The following PTPRD variants were observed in gnomAD, a reference collection of about 807,000 sequenced individuals.
PTPRD encodes the protein protein tyrosine phosphatase receptor type D.
PTPRD carries 34 observed loss-of-function variants against 214.5 expected under a neutral mutation model. The observed-to-expected ratio is 0.16, with a 90% CI of 0.12 to 0.21. The LOEUF is 0.21. Ranked by LOEUF, PTPRD falls within the 10% of genes least tolerant of loss-of-function variation. PTPRD has a pLI of 1.00. For missense variants in PTPRD, 2,545 were observed against 2,398.7 expected (o/e 1.06, Z -1.27); for synonymous variants, 1,128 against 845.7 (o/e 1.33, Z -5.79).
chr9:8,897,234 G>C (rs2098625192), intron 11 of PTPRD, among the ~76,000 whole-genome samples: 1 of 152,156 alleles, frequency 6.6e-6, no homozygotes, highest in African/African-American at 2.4e-5. Context: ...GTAAGTTGTA[G>C]ACACTCATCT....
intron 3 of PTPRD, among the ~76,000 whole-genome samples, chr9:10,170,420 G>T (rs113944966): frequency 9.2e-5 from 14 of 152,260 alleles, no homozygotes; most frequent in African/African-American, 3.1e-4. Context: ...GGCCAGGCGT[G>T]CAGGCTCACA....
At chr9:9,401,940 C>T (rs751354003) in intron 8 of PTPRD, among the ~76,000 whole-genome samples, 5 of 152,028 alleles carry the variant, frequency 3.3e-5, no homozygotes, top group Non-Finnish European at 5.9e-5. Flanking sequence ...CCAAGCAGAA[C>T]TGTGAGTCAA....
intron 10 of PTPRD, among the ~76,000 whole-genome samples, chr9:9,039,011 C>G (rs1423834621): frequency 6.6e-6 from 1 of 152,030 alleles, no homozygotes; most frequent in East Asian, 1.9e-4. Flanking sequence ...GCACCCCTAT[C>G]TCCCACAAAA....
At chr9:10,238,428 A>C (rs999473157) in intron 3 of PTPRD, among the ~76,000 whole-genome samples, 1 of 151,906 alleles carries the variant, frequency 6.6e-6, no homozygotes, top group Non-Finnish European at 1.5e-5. Flanking sequence ...ACATTTCTCC[A>C]TGTTATCAAA....
intron 36 of PTPRD, among the ~76,000 whole-genome samples, chr9:8,403,906 C>A (rs1041223049): frequency 2.0e-5 from 3 of 152,160 alleles, no homozygotes; most frequent in Non-Finnish European, 4.4e-5. Context: ...TGACAATCAC[C>A]TGTTCATTCA....
At chr9:9,150,906 C>G (rs1163496889) in intron 10 of PTPRD, among the ~76,000 whole-genome samples, 1 of 152,210 alleles carries the variant, frequency 6.6e-6, no homozygotes, top group African/African-American at 2.4e-5. Flanking sequence ...TGATGCCCCT[C>G]TGCCACAGAG....
intron 8 of PTPRD, among the ~76,000 whole-genome samples, chr9:9,523,661 C>A (rs765827570): frequency 4.6e-5 from 7 of 152,090 alleles, no homozygotes; most frequent in Non-Finnish European, 1.0e-4. Context: ...GTTTTCAGTT[C>A]GACTCATTTA....
chr9:9,548,219 C>G (rs548559425), intron 8 of PTPRD, among the ~76,000 whole-genome samples: 3 of 150,652 alleles, frequency 2.0e-5, no homozygotes, highest in Admixed American at 1.3e-4. Flanking sequence ...TGGAAATGAT[C>G]AATAATAAAA....
At chr9:9,992,409 A>G (rs2095972009) in intron 4 of PTPRD, among the ~76,000 whole-genome samples, 1 of 152,212 alleles carries the variant, frequency 6.6e-6, no homozygotes, top group African/African-American at 2.4e-5. Context: ...TCAAGGATCT[A>G]GAACTAGAAA....
intron 11 of PTPRD, among the ~76,000 whole-genome samples, chr9:8,826,499 CCA>C (rs2154528373): frequency 6.6e-6 from 1 of 152,222 alleles, no homozygotes; most frequent in African/African-American, 2.4e-5. Flanking sequence ...CTTCCGTTCA[CCA>C]CACAGTTATT....
chr9:9,988,399 TC>T (rs1169117088), intron 4 of PTPRD, among the ~76,000 whole-genome samples: 1 of 152,194 alleles, frequency 6.6e-6, no homozygotes, highest in Non-Finnish European at 1.5e-5. Flanking sequence ...ACTAAATTGA[TC>T]AGTTCAAGAG....
chr9:9,594,450 T>A (rs1257825554), intron 7 of PTPRD, among the ~76,000 whole-genome samples: 1 of 152,070 alleles, frequency 6.6e-6, no homozygotes, highest in African/African-American at 2.4e-5. Context: ...GATTTTTGCA[T>A]AAGGTGAGAG....
chr9:10,370,348 C>T (rs73644433), intron 2 of PTPRD, among the ~76,000 whole-genome samples: 3,292 of 152,092 alleles, frequency 0.022, 98 homozygotes, highest in African/African-American at 0.069. Flanking sequence ...TGAAGAGTGA[C>T]TGCATTAATT....
intron 2 of PTPRD, among the ~76,000 whole-genome samples, chr9:10,480,364 T>TTATAAGGGGAATGC (rs2099089828): frequency 6.6e-6 from 1 of 152,024 alleles, no homozygotes; most frequent in South Asian, 2.1e-4. Context: ...CCAGCTAGGA[T>TTATAAGGGGAATGC]TATAAGGGGA....
At chr9:8,435,170 G>C (rs2095290719) in intron 35 of PTPRD, among the ~76,000 whole-genome samples, 1 of 152,166 alleles carries the variant, frequency 6.6e-6, no homozygotes, top group Non-Finnish European at 1.5e-5. Context: ...GATATGTTTT[G>C]GTTTTCCAGC....
At chr9:8,410,661 C>T (rs1233219421) in intron 35 of PTPRD, among the ~76,000 whole-genome samples, 5 of 152,116 alleles carry the variant, frequency 3.3e-5, no homozygotes, top group Non-Finnish European at 5.9e-5. Context: ...ATACCACACT[C>T]ATTGAAGTCA....
chr9:9,830,774 C>A (rs1165958125), intron 5 of PTPRD, among the ~76,000 whole-genome samples: 4 of 151,936 alleles, frequency 2.6e-5, no homozygotes, highest in African/African-American at 9.7e-5. Flanking sequence ...CTTAAGCAGA[C>A]TTTCAAGGCA....
chr9:9,087,575 A>G (rs929475379), intron 10 of PTPRD, among the ~76,000 whole-genome samples: 2 of 152,190 alleles, frequency 1.3e-5, no homozygotes, highest in African/African-American at 4.8e-5. Context: ...AGGAAAATAC[A>G]GAGAATTCTG....
At chr9:9,248,774 AG>A (rs2099974137) in intron 9 of PTPRD, among the ~76,000 whole-genome samples, 1 of 152,096 alleles carries the variant, frequency 6.6e-6, no homozygotes, top group South Asian at 2.1e-4. Context: ...TGTTGCAAAA[AG>A]GCACAATTCT....
Sources: gnomAD v4.1 joint callset for allele counts (sites outside exome capture counted in the v4.1 genomes callset) on GRCh38, gnomAD v4.1.1 for gene constraint, MANE v1.5 for transcripts, NCBI Gene and HGNC (gene_info 2026-07-23, HGNC 2026-07-21) for gene names.